MAN1C1: variants seen among roughly 807,000 people sequenced by gnomAD.
MAN1C1 encodes mannosyl-oligosaccharide 1,2-alpha-mannosidase IC.
A neutral mutation model predicts 71.5 loss-of-function variants in MAN1C1; 49 were observed. The ratio of observed to expected loss-of-function variants is 0.69; its 90% CI spans 0.54 to 0.87. The LOEUF (loss-of-function observed/expected upper bound fraction) is 0.87, where lower values mean the gene tolerates loss of function less well. Among genes scored for constraint, MAN1C1 ranks in the 40% least tolerant of loss-of-function variants. The probability of loss-of-function intolerance (pLI) is 0.00; values close to 1 mark genes in which losing one functional copy is unlikely to be tolerated. For synonymous variants in MAN1C1, 352 were observed against 343.7 expected (o/e 1.02, Z -0.27); for missense variants, 743 against 835.0 (o/e 0.89, Z 1.36).
intron 1 of MAN1C1, among the ~76,000 whole-genome samples, chr1:25,650,227 C>G (rs1041169108): frequency 6.6e-6 from 1 of 152,224 alleles, no homozygotes; most frequent in African/African-American, 2.4e-5. Flanking sequence ...TTTTATAAAT[C>G]AGGTCCTTAA....
chr1:25,617,912 G>A lies in MAN1C1; in HGVS notation c.115G>A (p.Ala39Thr). The A allele has an allele frequency of 2.5e-6, 4 of 1,607,450 alleles. No individual in the cohort carries two copies. Among genetic ancestry groups the A allele is most frequent in the South Asian group, 2.2e-5 (2 of 90,200 alleles). Residue 39 changes from alanine (A) to threonine (T), a missense_variant, in exon 1 of 12, where the codon GCC (alanine) becomes ACC (threonine). Physicochemically the swap from Ala to Thr is moderately conservative, Grantham distance 58. Coordinates refer to ENST00000374332, the MANE Select transcript of MAN1C1 (RefSeq NM_020379.4). This position sits in a 1 kb window ranked among gnomAD's most constrained non-coding sequence, Gnocchi z 5.1. ...GGGCCTGGTCACCCTGTGCTTCGGG[G>A]CCCTCTTCCTGCTGCCCCACTCCTC... ...LSGLVTLCFG[A>T]LFLLPHSSRL... is the part of the protein sequence containing the mutation.
intron 1 of MAN1C1, among the ~76,000 whole-genome samples, chr1:25,635,105 A>G (rs1449763242): frequency 6.6e-6 from 1 of 152,050 alleles, no homozygotes; most frequent in Non-Finnish European, 1.5e-5. Context: ...GGGTCAAGTG[A>G]TCTCCTGTCT....
At chr1:25,723,408 G>A (rs2124281598) in intron 2 of MAN1C1, among the ~76,000 whole-genome samples, 1 of 152,324 alleles carries the variant, frequency 6.6e-6, no homozygotes, top group East Asian at 1.9e-4. Context: ...CAGAGCCTTT[G>A]GGGTTTTCTA....
Position 25,634,305 on chromosome 1 carries a change from G to T in MAN1C1, c.540+15968G>T, listed in dbSNP as rs992762318. Among the ~76,000 whole-genome samples the T allele has an allele frequency of 6.6e-6, 1 of 152,118 alleles. No individual in the cohort carries two copies. The highest frequency in any genetic ancestry group is 1.5e-5 in the Non-Finnish European group (1 of 68,028). ...GAACTGACATCTTTGCCTTGTTCTT[G>T]ATCTCGAGGGAAAAGCAGCCAGTCT... On this transcript the variant is annotated intron_variant, in intron 1 of 11. Transcript: ENST00000374332. The surrounding 1 kb of genome is among the most constrained non-coding windows in gnomAD (Gnocchi z 4.6).
chr1:25,768,467 C>CAT (rs1438075886), intron 7 of MAN1C1, among the ~76,000 whole-genome samples: 1 of 132,410 alleles, frequency 7.6e-6, no homozygotes. Flanking sequence ...TCCCCTCACA[C>CAT]ACACACATTA....
chr1:25,772,091 T>C (rs1346027678), intron 8 of MAN1C1: 7 of 295,870 alleles, frequency 2.4e-5, no homozygotes, highest in South Asian at 4.5e-5. Flanking sequence ...TTGGTGTCTA[T>C]GCTTTGGCTG....
intron 1 of MAN1C1, among the ~76,000 whole-genome samples, chr1:25,629,728 C>T (rs1175646319): frequency 6.7e-6 from 1 of 150,332 alleles, no homozygotes. Context: ...GCCATTTGCC[C>T]ACTTTTTAAT....
intron 6 of MAN1C1, chr1:25,760,522 GC>G (rs1284080809): frequency 1.3e-5 from 2 of 152,178 alleles, no homozygotes; most frequent in African/African-American, 4.8e-5. Flanking sequence ...TTCTAGAAGC[GC>G]CCGCACCCTC....
At chr1:25,621,266 G>A (rs528790992) in intron 1 of MAN1C1, among the ~76,000 whole-genome samples, 56 of 152,310 alleles carry the variant, frequency 3.7e-4, no homozygotes, top group Admixed American at 1.0e-3. Flanking sequence ...TGATGGGGTC[G>A]TGATGTTCAC....
chr1:25,650,473 C>CAAG (rs745347835), intron 1 of MAN1C1, among the ~76,000 whole-genome samples: 6 of 152,174 alleles, frequency 3.9e-5, no homozygotes, highest in African/African-American at 7.2e-5. Flanking sequence ...CCACGTAACT[C>CAAG]TTGCTTCTGA....
At chr1:25,749,569 C>A (rs1165839624) in intron 4 of MAN1C1, among the ~76,000 whole-genome samples, 2 of 152,178 alleles carry the variant, frequency 1.3e-5, no homozygotes, top group African/African-American at 2.4e-5. Flanking sequence ...CAGACGGCCC[C>A]CCAGGGCTGA....
chr1:25,782,319 A>C lies in MAN1C1; in HGVS notation c.1651-266A>C, dbSNP rs2047706359. Among the ~76,000 whole-genome samples, 3 of 152,142 alleles carry C rather than the reference A, an allele frequency of 2.0e-5. No homozygotes were observed. Among genetic ancestry groups the C allele is most frequent in the Non-Finnish European group, 4.4e-5 (3 of 68,016 alleles). On this transcript the variant is annotated intron_variant, in intron 10 of 11. Transcript: ENST00000374332. The surrounding 1 kb of genome is among the most constrained non-coding windows in gnomAD (Gnocchi z 4.4). ...CTTCCTCTAAGTTCAAACCAGGTGA[A>C]GAGCTCAGGACAGGCAGCCCATCGG...
At chr1:25,697,899 G>A (rs1244786372) in intron 2 of MAN1C1, among the ~76,000 whole-genome samples, 1 of 152,190 alleles carries the variant, frequency 6.6e-6, no homozygotes, top group Admixed American at 6.5e-5. Flanking sequence ...GCTATTGTCA[G>A]TATGTTTAAC....
At chr1:25,733,714 G>A (rs2046941367) in intron 2 of MAN1C1, among the ~76,000 whole-genome samples, 1 of 152,220 alleles carries the variant, frequency 6.6e-6, no homozygotes. Context: ...TCTTGAACAA[G>A]TGACTTAATT....
intron 2 of MAN1C1, among the ~76,000 whole-genome samples, chr1:25,704,584 G>C (rs1302413014): frequency 1.3e-5 from 2 of 152,158 alleles, no homozygotes; most frequent in Non-Finnish European, 2.9e-5. Context: ...CATGTGTAGA[G>C]GTGCTGGGTA....
intron 7 of MAN1C1, among the ~76,000 whole-genome samples, chr1:25,768,955 TAC>T (rs1418756426): frequency 1.9e-5 from 2 of 108,010 alleles, no homozygotes; most frequent in Non-Finnish European, 3.8e-5. Context: ...ACACTTCCCC[TAC>T]ACACACCCCC....
At chr1:25,733,063 G>A (rs1288568960) in intron 2 of MAN1C1, among the ~76,000 whole-genome samples, 2 of 152,168 alleles carry the variant, frequency 1.3e-5, no homozygotes, top group Non-Finnish European at 2.9e-5. Flanking sequence ...CCCAGGAGCT[G>A]AGGTGAGGCA....
intron 6 of MAN1C1, 153 bp downstream of exon 6, chr1:25,758,862 G>T: frequency 1.4e-6 from 1 of 695,116 alleles, no homozygotes; most frequent in Non-Finnish European, 2.6e-6. Context: ...GTAGCAAATA[G>T]TAGCTACCTA....
At chr1:25,636,915 G>GAGGCCGAGGC (rs2045469919) in intron 1 of MAN1C1, among the ~76,000 whole-genome samples, 1 of 152,098 alleles carries the variant, frequency 6.6e-6, no homozygotes, top group African/African-American at 2.4e-5. Flanking sequence ...AGTACTTTGG[G>GAGGCCGAGGC]AGGCCGAGGC....
Sources: gnomAD v4.1 joint callset for allele counts (sites outside exome capture counted in the v4.1 genomes callset) on GRCh38, gnomAD v4.1.1 for gene constraint, Gnocchi (gnomAD v3.1) non-coding constraint, MANE v1.5 for transcripts, NCBI Gene and HGNC (gene_info 2026-07-23, HGNC 2026-07-21) for gene names.